The following BTAF1 variants were observed in gnomAD, a reference collection of about 807,000 sequenced individuals.
The protein encoded by BTAF1 is B-TFIID TATA-box binding protein associated factor 1.
BTAF1 carries 38 observed loss-of-function variants against 227.1 expected under a neutral mutation model. That is an observed-to-expected ratio of 0.17 (90% confidence interval 0.13 to 0.22). The LOEUF (loss-of-function observed/expected upper bound fraction) is 0.22, where lower values mean the gene tolerates loss of function less well. Ranked by LOEUF, BTAF1 falls within the 10% of genes least tolerant of loss-of-function variation. The pLI is 1.00. For missense variants in BTAF1, 1,598 were observed against 2,204.0 expected, an observed-to-expected ratio of 0.73 and a Z score of 5.51; for synonymous variants, 742 against 751.9, an observed-to-expected ratio of 0.99 and a Z score of 0.21.
intron 14 of BTAF1, among the ~76,000 whole-genome samples, chr10:91,978,836 T>TTC (rs1491153716): frequency 3.6e-5 from 3 of 83,642 alleles, no homozygotes; most frequent in East Asian, 3.8e-4. Context: ...TTTTTTTTTT[T>TTC]CACTTTCATT....
In BTAF1 at chr10:91,923,776, G is replaced by C; in HGVS notation, c.-301G>C. 2 of 386,494 alleles carry C rather than the reference G, an allele frequency of 5.2e-6. No individual in the cohort carries two copies. The highest frequency in any genetic ancestry group is 3.9e-5 in the East Asian group (1 of 25,806). 23.9% of individuals were successfully genotyped at this position (386,494 alleles called of 1,614,324 possible). ...TTCCGGCGCGCTGACGCTCAGTTGT[G>C]CGTGCCGACGCCCGCGTCAGCAAAG... On this transcript the variant is annotated 5_prime_UTR_variant, in exon 1 of 38. Transcript: ENST00000265990.
chr10:91,985,184 C>T (rs529730170), intron 19 of BTAF1, among the ~76,000 whole-genome samples: 8 of 152,170 alleles, frequency 5.3e-5, no homozygotes, highest in East Asian at 3.9e-4. Context: ...AATTCCCCCC[C>T]GAAGATACAT....
intron 1 of BTAF1, among the ~76,000 whole-genome samples, chr10:91,926,662 C>T (rs757753306): frequency 5.9e-5 from 9 of 152,196 alleles, no homozygotes; most frequent in Non-Finnish European, 1.0e-4. Context: ...AAAGGAAGTA[C>T]TCATCTCCTT....
At chr10:91,989,034 A>G (rs1453602170) in intron 19 of BTAF1, 120 bp from the exon 20 acceptor site, 5 of 823,940 alleles carry the variant, frequency 6.1e-6, no homozygotes, top group African/African-American at 3.5e-5. Context: ...TACTAAAACA[A>G]TATTACATAT....
chr10:91,959,913 C>A, intron 10 of BTAF1, 33 bp downstream of exon 10: 1 of 1,600,460 alleles, frequency 6.2e-7, no homozygotes, highest in South Asian at 1.1e-5. Context: ...TTTGCCCAAT[C>A]AAATTTCAAA....
At position 91,962,157 on chromosome 10, in the gene BTAF1, A is replaced by G. The variant is rs145164525; in HGVS notation, c.1264-381A>G. ...GGGCCACATATATGATGGTGGTCCC[A>G]TAAGATTATAATACTGTACTTTGAT... On this transcript the variant is annotated intron_variant, in intron 11 of 37. Coordinates refer to ENST00000265990, the MANE Select transcript of BTAF1 (RefSeq NM_003972.3). Among the ~76,000 whole-genome samples, 350 of 152,326 alleles carry G rather than the reference A, an allele frequency of 2.3e-3. 1 individual carries two copies. The highest frequency in any genetic ancestry group is 8.2e-3 in the African/African-American group (341 of 41,578).
At chr10:92,005,907 T>C (rs1179139237) in intron 25 of BTAF1, among the ~76,000 whole-genome samples, 1 of 151,946 alleles carries the variant, frequency 6.6e-6, no homozygotes, top group Non-Finnish European at 1.5e-5. Context: ...GGTTTCACTC[T>C]GTCACCCAGG....
chr10:91,998,938 CTG>C (rs1849316831), intron 25 of BTAF1, among the ~76,000 whole-genome samples: 1 of 151,942 alleles, frequency 6.6e-6, no homozygotes, highest in Admixed American at 6.6e-5. Flanking sequence ...TGGCACACAC[CTG>C]TAATCCCAGC....
At chr10:91,964,290 C>G in intron 13 of BTAF1, 89 bp downstream of exon 13, 1 of 1,406,232 alleles carries the variant, frequency 7.1e-7, no homozygotes, top group Non-Finnish European at 9.7e-7. Context: ...ATTTTAGCAC[C>G]TTTAAGAATA....
intron 25 of BTAF1, among the ~76,000 whole-genome samples, chr10:92,003,707 A>G (rs1259594925): frequency 6.6e-6 from 1 of 152,226 alleles, no homozygotes; most frequent in Non-Finnish European, 1.5e-5. Flanking sequence ...GCTGCAATGA[A>G]CACAGAAATA....
At chr10:91,975,148 T>C (rs1847595023) in intron 14 of BTAF1, among the ~76,000 whole-genome samples, 1 of 152,204 alleles carries the variant, frequency 6.6e-6, no homozygotes, top group South Asian at 2.1e-4. Context: ...ACTGACTGGG[T>C]CAACTTTTCC....
intron 14 of BTAF1, among the ~76,000 whole-genome samples, chr10:91,974,573 C>T (rs1412772266): frequency 2.6e-5 from 4 of 152,164 alleles, no homozygotes; most frequent in African/African-American, 4.8e-5. Flanking sequence ...AAACCATGGC[C>T]AGGCACAGTG....
At chr10:91,958,926 A>G (rs1846290196) in intron 8 of BTAF1, 139 bp from the exon 9 acceptor site, 1 of 733,752 alleles carries the variant, frequency 1.4e-6, no homozygotes, top group Non-Finnish European at 2.2e-6. Context: ...ATAGTTGAAG[A>G]AAAATACATT....
intron 8 of BTAF1, 96 bp downstream of exon 8, chr10:91,957,389 C>CT: frequency 3.0e-6 from 3 of 988,936 alleles, no homozygotes; most frequent in Non-Finnish European, 4.5e-6. Context: ...AGTCCCTATT[C>CT]TTCTCTGTTT....
intron 3 of BTAF1, among the ~76,000 whole-genome samples, chr10:91,940,661 ATTTT>A (rs1419923949): frequency 6.6e-6 from 1 of 151,782 alleles, no homozygotes; most frequent in Non-Finnish European, 1.5e-5. Context: ...TTATTTTATT[ATTTT>A]GTTTTATTTT....
chr10:91,939,972 T>C lies in BTAF1; in HGVS notation c.159T>C (p.Ser53=), dbSNP rs574839663. ...LLSKVLIYLR[S]ANWDTRIAAG... Reference sequence around the variant, plus strand: ...TTAAGGTGTTGATATATTTAAGGAGTGCAAATTGGGATACCCGGATTGCAG... The same window carrying C: ...TTAAGGTGTTGATATATTTAAGGAGCGCAAATTGGGATACCCGGATTGCAG... The change falls in exon 3 of 38, where the codon AGT becomes AGC. Residue 53 remains serine, a synonymous_variant. Transcript: ENST00000265990. 1 of 1,612,326 alleles carries C rather than the reference T, an allele frequency of 6.2e-7. No individual in the cohort carries two copies. The highest frequency in any genetic ancestry group is 1.3e-5 in the African/African-American group (1 of 75,006).
rs1291026838 is a variant in BTAF1 at position 92,026,580 on chromosome 10, A to T, written c.5076-12A>T. The T allele has an allele frequency of 1.3e-6, 2 of 1,585,912 alleles. No individual in the cohort carries two copies. The highest frequency in any genetic ancestry group is 1.7e-6 in the Non-Finnish European group (2 of 1,162,742). On this transcript the variant is annotated splice_polypyrimidine_tract_variant and intron_variant, in intron 35 of 37. Coordinates refer to ENST00000265990, the MANE Select transcript of BTAF1 (RefSeq NM_003972.3). ...AGAATGGACTAATTTTATTTTTGTT[A>T]TCTACTTTTAGGTTTAATAATGATC... is the stretch of plus-strand genomic sequence containing the variant.
chr10:91,980,437 T>G lies in BTAF1; in HGVS notation c.1651-17T>G. 6.4e-7 allele frequency: 1 copy of G among 1,562,136 alleles called. No homozygotes were observed. The highest frequency in any genetic ancestry group is 8.8e-7 in the Non-Finnish European group (1 of 1,134,360). On this transcript the variant is annotated splice_polypyrimidine_tract_variant and intron_variant, in intron 14 of 37. Coordinates refer to ENST00000265990, the MANE Select transcript of BTAF1 (RefSeq NM_003972.3). ...AGAATTATATGCTACAGCTTTTAAT[T>G]CTGTTTTTGTTTTCAGAACTCTTCA...
chr10:91,925,949 T>G (rs1843797946), intron 1 of BTAF1, among the ~76,000 whole-genome samples: 1 of 152,236 alleles, frequency 6.6e-6, no homozygotes, highest in African/African-American at 2.4e-5. Flanking sequence ...TCTCGTTCAC[T>G]TTTTTAAAAG....
Sources: gnomAD v4.1 joint callset for allele counts (sites outside exome capture counted in the v4.1 genomes callset) on GRCh38, gnomAD v4.1.1 for gene constraint, MANE v1.5 for transcripts, NCBI Gene and HGNC (gene_info 2026-07-23, HGNC 2026-07-21) for gene names.